Variants in NUP188 observed in about 807,000 individuals in gnomAD.
The protein encoded by NUP188 is nucleoporin NUP188.
Under a neutral mutation model 223.0 loss-of-function variants are expected in NUP188, and 97 were observed. The observed-to-expected ratio is 0.43, with a 90% CI of 0.37 to 0.51. The LOEUF (loss-of-function observed/expected upper bound fraction) is 0.51, where lower values mean the gene tolerates loss of function less well. Ranked by LOEUF, NUP188 falls within the 20% of genes least tolerant of loss-of-function variation. NUP188 has a pLI of 0.00. For synonymous variants in NUP188, 869 were observed against 828.0 expected, an observed-to-expected ratio of 1.05 and a Z score of -0.85; for missense variants, 1,947 against 2,175.6, an observed-to-expected ratio of 0.89 and a Z score of 2.09.
At chr9:128,988,556 G>T (rs1304104825) in intron 24 of NUP188, among the ~76,000 whole-genome samples, 1 of 151,990 alleles carries the variant, frequency 6.6e-6, no homozygotes, top group Non-Finnish European at 1.5e-5. Flanking sequence ...TATCTGAAAT[G>T]CTTGGGACCA....
In NUP188 at chr9:129,002,945, C is replaced by T. The variant is rs746647488; in HGVS notation, c.4266C>T (p.Phe1422=). The change falls in exon 37 of 44, where the codon TTC becomes TTT. Residue 1422 remains phenylalanine (F), a synonymous_variant. Transcript: ENST00000372577. The part of the protein sequence containing the change: ...RYNFLPEALD[F]VGVHQERTLQ... ...ACTTCCTGCCTGAGGCCCTGGACTT[C>T]GTGGGTGTCCACCAGGAGCGGACCT... The T allele has an allele frequency of 6.2e-5, 100 of 1,614,046 alleles. No individual in the cohort carries two copies. Among genetic ancestry groups the T allele is most frequent in the Admixed American group, 8.3e-5 (5 of 60,004 alleles).
intron 8 of NUP188, among the ~76,000 whole-genome samples, chr9:128,959,782 C>T (rs1432622853): frequency 1.3e-5 from 2 of 152,052 alleles, no homozygotes; most frequent in African/African-American, 4.8e-5. Flanking sequence ...TCAGGTGATC[C>T]ACCTGCTTTG....
chr9:128,981,391 G>T lies in NUP188; in HGVS notation c.1516+1G>T, dbSNP rs1455161894. On this transcript the variant is annotated splice_donor_variant, in intron 15 of 43. Transcript: ENST00000372577. LOFTEE classifies it high-confidence loss of function. ...ACACCCAAACTCCTTTATCCCCTTGGTGAGATAAAGAGATCCCCCTTTTAT... is the reference window on the plus strand; with the variant it reads ...ACACCCAAACTCCTTTATCCCCTTGTTGAGATAAAGAGATCCCCCTTTTAT... 6.3e-7 allele frequency: 1 copy of T among 1,598,260 alleles called. No homozygotes were observed.
Position 128,994,374 on chromosome 9 carries a change from C to T in NUP188, c.3019C>T (p.Pro1007Ser). Residue 1007 changes from proline (P) to serine (S), a missense_variant and splice_region_variant, in exon 28 of 44, where the codon CCC (proline) becomes TCC (serine). This residue lies in a region of NUP188 where 905 missense variants were observed against 990.6 expected (regional missense o/e 0.91). Coordinates refer to ENST00000372577, the MANE Select transcript of NUP188 (RefSeq NM_015354.3). ...DSAMLVLRTK[P>S]KFWENLTSPL... Reference sequence around the variant, plus strand: ...TTCAAACATTTATTTCCTTTTTAGACCCAAGTTTTGGGAAAATTTAACCAG... The same window carrying T: ...TTCAAACATTTATTTCCTTTTTAGATCCAAGTTTTGGGAAAATTTAACCAG... 1 of 1,608,406 alleles carries T rather than the reference C, an allele frequency of 6.2e-7. No homozygotes were observed. The highest frequency in any genetic ancestry group is 8.5e-7 in the Non-Finnish European group (1 of 1,174,892).
intron 8 of NUP188, among the ~76,000 whole-genome samples, chr9:128,961,556 C>CTA (rs1197243370): frequency 6.7e-6 from 1 of 148,288 alleles, no homozygotes; most frequent in African/African-American, 2.5e-5. Context: ...GAAAGACACA[C>CTA]TATATATATC....
chr9:128,990,242 A>C lies in NUP188; in HGVS notation c.2640+16A>C. 2 of 1,577,144 alleles carry C rather than the reference A, an allele frequency of 1.3e-6. No individual in the cohort carries two copies. Among genetic ancestry groups the C allele is most frequent in the Non-Finnish European group, 1.7e-6 (2 of 1,146,422 alleles). ...TCTGGCCACGGTAGGATCGTACTTCATGCACACACACTGTTTATATGAGGG... is the reference window on the plus strand; with the variant it reads ...TCTGGCCACGGTAGGATCGTACTTCCTGCACACACACTGTTTATATGAGGG... On this transcript the variant is annotated intron_variant, in intron 25 of 43. Transcript: ENST00000372577.
chr9:128,978,855 T>C (rs1049092511), intron 12 of NUP188, among the ~76,000 whole-genome samples: 2 of 151,954 alleles, frequency 1.3e-5, no homozygotes, highest in African/African-American at 4.8e-5. Context: ...GATTATAAGG[T>C]GTGCGCCACC....
chr9:128,976,374 G>T lies in NUP188; in HGVS notation c.1204-2888G>T, dbSNP rs147640674. ...GAAATGAGTTTGTGTTGAATTGAAA[G>T]ACTCAATTTCTAGAGGCTGGGTGTG... is the stretch of plus-strand genomic sequence containing the variant. On this transcript the variant is annotated intron_variant, in intron 12 of 43. Transcript: ENST00000372577. Among the ~76,000 whole-genome samples, 316 of 152,176 alleles carry T rather than the reference G, an allele frequency of 2.1e-3. 2 individuals are homozygous for T. Among genetic ancestry groups the T allele is most frequent in the Non-Finnish European group, 3.5e-3 (238 of 67,992 alleles).
chr9:128,973,135 T>C (rs1406546261), intron 11 of NUP188, 25 bp from the exon 12 acceptor site: 1 of 1,504,366 alleles, frequency 6.6e-7, no homozygotes, highest in African/African-American at 1.4e-5. Context: ...CTCAGAATGA[T>C]TCACTGACTC....
intron 24 of NUP188, among the ~76,000 whole-genome samples, chr9:128,989,551 T>C (rs527578546): frequency 1.3e-5 from 2 of 151,750 alleles, no homozygotes; most frequent in East Asian, 3.9e-4. Flanking sequence ...ATACAAAAGT[T>C]AGCTGGGTAT....
chr9:129,005,476 G>T lies in NUP188; in HGVS notation c.4683G>T (p.Thr1561=). The part of the protein sequence containing the change: ...QYGLLKILSK[T]LAALRHFTPD... Reference sequence around the variant, plus strand: ...GCCTTCTCAAGATCCTCAGCAAGACGCTGGCAGCCCTGCGCCACTTCACCC... The same window carrying T: ...GCCTTCTCAAGATCCTCAGCAAGACTCTGGCAGCCCTGCGCCACTTCACCC... The change falls in exon 40 of 44, where the codon ACG becomes ACT. Residue 1561 remains threonine (T), a synonymous_variant. Transcript: ENST00000372577. 6.2e-7 allele frequency: 1 copy of T among 1,606,068 alleles called. No homozygotes were observed. Among genetic ancestry groups the T allele is most frequent in the Non-Finnish European group, 8.5e-7 (1 of 1,179,972 alleles).
intron 8 of NUP188, 93 bp from the exon 9 acceptor site, chr9:128,968,413 C>T: frequency 1.1e-6 from 1 of 928,088 alleles, no homozygotes; most frequent in Non-Finnish European, 1.7e-6. Context: ...TCCTGGGTGA[C>T]AGATTGAGAC....
intron 14 of NUP188, 41 bp downstream of exon 14, chr9:128,980,766 C>T (rs755645561): frequency 6.3e-7 from 1 of 1,599,298 alleles, no homozygotes; most frequent in Non-Finnish European, 8.5e-7. Context: ...ATGGGAGATT[C>T]TTTATGGAGA....
chr9:128,973,899 TATTTATTTATTTATGC>T (rs1842136481), intron 12 of NUP188, among the ~76,000 whole-genome samples: 1 of 152,134 alleles, frequency 6.6e-6, no homozygotes, highest in African/African-American at 2.4e-5. Flanking sequence ...AATTTCTGTT[TATTTATTTATTTATGC>T]ATTTATTTTT....
In NUP188 at chr9:128,973,246, G is replaced by T. The variant is rs776347862; in HGVS notation, c.1200G>T (p.Gln400His). 9.3e-6 allele frequency: 15 copies of T among 1,611,816 alleles called. No homozygotes were observed. Among genetic ancestry groups the T allele is most frequent in the Non-Finnish European group, 1.2e-5 (14 of 1,179,276 alleles). Residue 400 changes from glutamine (Q) to histidine (H), a missense_variant, in exon 12 of 44, where the codon CAG (glutamine) becomes CAT (histidine). Physicochemically the swap from Gln to His is conservative, Grantham distance 24 (BLOSUM62 0). Around this residue, in one of 3 missense-constraint regions of NUP188, gnomAD observed 817 missense variants for 865.8 expected, o/e 0.94. Coordinates refer to ENST00000372577, the MANE Select transcript of NUP188 (RefSeq NM_015354.3). ...TGGAGCTGCACACCCTGGGCAATCA[G>T]CAGGTCAGTGTCTGGCTTTCATGAA... is the stretch of plus-strand genomic sequence containing the variant. ...TSLELHTLGN[Q>H]QDIIDTACEV...
chr9:128,999,750 A>G lies in NUP188; in HGVS notation c.3788A>G (p.Asp1263Gly). 6.2e-7 allele frequency: 1 copy of G among 1,614,254 alleles called. No homozygotes were observed. Among genetic ancestry groups the G allele is most frequent in the Non-Finnish European group, 8.5e-7 (1 of 1,180,054 alleles). Residue 1263 changes from aspartate to glycine, a missense_variant, in exon 34 of 44, where the codon GAC (aspartate) becomes GGC (glycine). This residue lies in a region of NUP188 where 905 missense variants were observed against 990.6 expected (regional missense o/e 0.91). Transcript: ENST00000372577. ...TTAGGCAGTGCCACAGAGGACAAGG[A>G]CAGCATGGAGACTGACGACTGTTCT... The part of the protein sequence containing the change: ...LALGSATEDK[D>G]SMETDDCSRS...
At chr9:128,990,695 T>C (rs1842409834) in intron 25 of NUP188, among the ~76,000 whole-genome samples, 1 of 152,204 alleles carries the variant, frequency 6.6e-6, no homozygotes, top group South Asian at 2.1e-4. Flanking sequence ...AAACCCCTTC[T>C]CTACTGAAAA....
chr9:128,966,123 G>T (rs1414689929), intron 8 of NUP188, among the ~76,000 whole-genome samples: 1 of 128,588 alleles, frequency 7.8e-6, no homozygotes, highest in Admixed American at 9.2e-5. Flanking sequence ...ATAGATTTCT[G>T]CCTCCGTGTG....
At chr9:128,961,598 A>C (rs536747533) in intron 8 of NUP188, among the ~76,000 whole-genome samples, 1 of 145,450 alleles carries the variant, frequency 6.9e-6, no homozygotes, top group Admixed American at 6.8e-5. Flanking sequence ...ATCTAGATAG[A>C]TAGATAGATA....
Sources: allele counts gnomAD v4.1 joint callset (sites outside exome capture counted in the v4.1 genomes callset), GRCh38; gene constraint gnomAD v4.1.1; regional missense constraint gnomAD v4.1.1; transcripts MANE v1.5; gene names NCBI Gene and HGNC (gene_info 2026-07-23, HGNC 2026-07-21).